The following CAMK1D variants were observed in gnomAD, a reference collection of about 807,000 sequenced individuals.
The protein encoded by CAMK1D is calcium/calmodulin-dependent protein kinase type 1D.
A neutral mutation model predicts 47.7 loss-of-function variants in CAMK1D; 9 were observed. That is an observed-to-expected ratio of 0.19 (90% CI 0.11 to 0.33). The LOEUF (loss-of-function observed/expected upper bound fraction) is 0.33, where lower values mean the gene tolerates loss of function less well. Among genes scored for constraint, CAMK1D ranks in the 10% least tolerant of loss-of-function variants. The pLI is 1.00. For synonymous variants in CAMK1D, 184 were observed against 184.9 expected (o/e 0.99, Z 0.04); for missense variants, 291 against 488.7 (o/e 0.60, Z 3.81).
chr10:12,521,683 G>T (rs1456303635), intron 1 of CAMK1D, among the ~76,000 whole-genome samples: 1 of 152,104 alleles, frequency 6.6e-6, no homozygotes, highest in Non-Finnish European at 1.5e-5. Flanking sequence ...CAAGAAAGGG[G>T]TGTTGAAATA....
At chr10:12,763,437 A>G (rs537399664) in intron 4 of CAMK1D, among the ~76,000 whole-genome samples, 5 of 152,282 alleles carry the variant, frequency 3.3e-5, no homozygotes, top group Admixed American at 6.5e-5. Flanking sequence ...CTGAGAAGCT[A>G]TTAGAGACAG....
Position 12,553,266 on chromosome 10 carries a change from C to G in CAMK1D, c.134C>G (p.Thr45Ser). 6.2e-7 allele frequency: 1 copy of G among 1,614,186 alleles called. No individual in the cohort carries two copies. Reference sequence around the variant, plus strand: ...GTGGTTTTAGCTGAAGAGAAGGCAACTGGCAAGCTCTTTGCTGTGAAGTGT... The same window carrying G: ...GTGGTTTTAGCTGAAGAGAAGGCAAGTGGCAAGCTCTTTGCTGTGAAGTGT... Reference protein sequence around the residue: ...SEVVLAEEKATGKLFAVKCIP... With the variant: ...SEVVLAEEKASGKLFAVKCIP... Residue 45 changes from threonine to serine, a missense_variant, in exon 2 of 11, where the codon ACT (threonine) becomes AGT (serine). Physicochemically the swap from Thr to Ser is moderately conservative, Grantham distance 58 (BLOSUM62 1). Around this residue, in one of 2 missense-constraint regions of CAMK1D, gnomAD observed 219 missense variants for 424.3 expected, o/e 0.52. Coordinates refer to ENST00000619168, the MANE Select transcript of CAMK1D (RefSeq NM_153498.4).
chr10:12,356,982 G>A (rs1339429273), intron 1 of CAMK1D, among the ~76,000 whole-genome samples: 1 of 151,914 alleles, frequency 6.6e-6, no homozygotes, highest in Non-Finnish European at 1.5e-5. Context: ...TTTTCCTTTG[G>A]CTGGGTCTCT....
rs34312096 is a variant in CAMK1D, at chr10:12,392,017, A to ACACACACACACACACACAC, written c.92+42107_92+42108insCACACACACACACACACAC. 1.2e-3 allele frequency among the ~76,000 whole-genome samples: 170 copies of ACACACACACACACACACAC among 147,314 alleles called. 2 individuals are homozygous for ACACACACACACACACACAC. The highest frequency in any genetic ancestry group is 4.0e-3 in the African/African-American group (161 of 40,004). On this transcript the variant is annotated intron_variant, in intron 1 of 10. Transcript: ENST00000619168. ...CACACACACACACACACACACACAC[A>ACACACACACACACACACAC]AACAGTCTGGGTATGGTGGCTCACA...
intron 2 of CAMK1D, among the ~76,000 whole-genome samples, chr10:12,595,720 C>T (rs1838129830): frequency 6.6e-6 from 1 of 152,124 alleles, no homozygotes; most frequent in African/African-American, 2.4e-5. Context: ...GAGACCACTG[C>T]CACCTGAGGA....
chr10:12,721,526 ATCC>A (rs1834376812), intron 3 of CAMK1D, among the ~76,000 whole-genome samples: 5 of 151,926 alleles, frequency 3.3e-5, no homozygotes, highest in Non-Finnish European at 7.4e-5. Flanking sequence ...CCATCCATCC[ATCC>A]ATCCATCCAT....
intron 1 of CAMK1D, among the ~76,000 whole-genome samples, chr10:12,537,697 A>G (rs985506127): frequency 1.3e-4 from 20 of 152,214 alleles, no homozygotes; most frequent in Non-Finnish European, 2.9e-5. Context: ...AATTGTGCAC[A>G]TGGCTGTGTT....
intron 2 of CAMK1D, among the ~76,000 whole-genome samples, chr10:12,553,723 G>A (rs555912473): frequency 6.6e-6 from 1 of 152,362 alleles, no homozygotes; most frequent in African/African-American, 2.4e-5. Context: ...AAGATTTGGT[G>A]AGATGCTGCT....
intron 3 of CAMK1D, among the ~76,000 whole-genome samples, chr10:12,721,431 G>A (rs1393269600): frequency 6.6e-6 from 1 of 152,156 alleles, no homozygotes; most frequent in Admixed American, 6.5e-5. Context: ...GCACTGTTGG[G>A]AGCAGATCAA....
At chr10:12,397,735 G>A (rs1348810183) in intron 1 of CAMK1D, among the ~76,000 whole-genome samples, 2 of 152,188 alleles carry the variant, frequency 1.3e-5, no homozygotes, top group African/African-American at 2.4e-5. Context: ...TTAGAGCCAA[G>A]GTAGTAGGAA....
chr10:12,606,937 C>T (rs1387816563), intron 2 of CAMK1D, among the ~76,000 whole-genome samples: 1 of 152,082 alleles, frequency 6.6e-6, no homozygotes, highest in South Asian at 2.1e-4. Context: ...AAGTGATTCT[C>T]CTGCCTCAGC....
rs886791651 is a variant in CAMK1D, at chr10:12,349,964, G to A, written c.92+54G>A. ...GAGGTGGCCGCGGCAGGGGCTGCAC[G>A]GGCAGCTCCAGCTGCCGCCGCCGCC... is the stretch of plus-strand genomic sequence containing the variant. On this transcript the variant is annotated intron_variant, in intron 1 of 10. Transcript: ENST00000619168. The A allele has an allele frequency of 3.8e-6, 4 of 1,063,144 alleles. No homozygotes were observed. In the African/African-American group the frequency reaches 5.1e-5, roughly 14 times the overall value. The allele number at this position is 1,063,144 out of a possible 1,614,324, so 65.9% of individuals were successfully genotyped here.
rs564246345 is a variant in CAMK1D at position 12,389,665 on chromosome 10, A to G, written c.92+39755A>G. On this transcript the variant is annotated intron_variant, in intron 1 of 10. Coordinates refer to ENST00000619168, the MANE Select transcript of CAMK1D (RefSeq NM_153498.4). ...GCCCTTTCCTGGTTGGCGACCGTCC[A>G]GTTATTTTGGGTGAATGTTAATGGC... 2.5e-4 allele frequency among the ~76,000 whole-genome samples: 38 copies of G among 152,212 alleles called. 1 individual carries two copies. Among genetic ancestry groups the G allele is most frequent in the African/African-American group, 9.1e-4 (38 of 41,544 alleles).
intron 3 of CAMK1D, among the ~76,000 whole-genome samples, chr10:12,750,283 C>T (rs1244374538): frequency 6.6e-6 from 1 of 152,210 alleles, no homozygotes; most frequent in Non-Finnish European, 1.5e-5. Flanking sequence ...CCGGGGGTCA[C>T]TCTGTGCCCA....
At chr10:12,503,980 G>T (rs1451899036) in intron 1 of CAMK1D, among the ~76,000 whole-genome samples, 1 of 152,076 alleles carries the variant, frequency 6.6e-6, no homozygotes, top group African/African-American at 2.4e-5. Flanking sequence ...GTTCCACAGG[G>T]CACCTGCTTT....
intron 1 of CAMK1D, among the ~76,000 whole-genome samples, chr10:12,495,768 G>C (rs1261300005): frequency 1.3e-5 from 2 of 152,148 alleles, no homozygotes; most frequent in African/African-American, 4.8e-5. Flanking sequence ...TGAAAAATTG[G>C]AAATACATAT....
At chr10:12,396,207 C>T (rs909617502) in intron 1 of CAMK1D, among the ~76,000 whole-genome samples, 4 of 152,126 alleles carry the variant, frequency 2.6e-5, no homozygotes, top group Non-Finnish European at 5.9e-5. Context: ...CAGTAGCCCC[C>T]GGTCCAGGGC....
intron 1 of CAMK1D, among the ~76,000 whole-genome samples, chr10:12,538,559 A>G (rs1462737206): frequency 1.3e-5 from 2 of 152,220 alleles, no homozygotes; most frequent in Non-Finnish European, 2.9e-5. Flanking sequence ...TGTATGGTTT[A>G]GATACATTTC....
chr10:12,617,645 C>T (rs1838864055), intron 2 of CAMK1D, among the ~76,000 whole-genome samples: 1 of 152,140 alleles, frequency 6.6e-6, no homozygotes, highest in Admixed American at 6.5e-5. Flanking sequence ...CAAATGTCAA[C>T]ATCCCTAGTG....
Sources: gnomAD v4.1 joint callset for allele counts (sites outside exome capture counted in the v4.1 genomes callset) on GRCh38, gnomAD v4.1.1 for gene constraint, gnomAD v4.1.1 regional missense constraint, MANE v1.5 for transcripts, NCBI Gene and HGNC (gene_info 2026-07-23, HGNC 2026-07-21) for gene names.